ICE2: variants seen among roughly 807,000 people sequenced by gnomAD.
ICE2 encodes little elongation complex subunit 2.
ICE2 carries 87 observed loss-of-function variants against 105.4 expected under a neutral mutation model. That is an observed-to-expected ratio of 0.83 (90% CI 0.69 to 0.99). ICE2 has a LOEUF of 0.99. Among genes scored for constraint, ICE2 ranks in the 50% least tolerant of loss-of-function variants. ICE2 has a pLI of 0.00. For missense variants in ICE2, 1,323 were observed against 1,146.7 expected (o/e 1.15, Z -2.22); for synonymous variants, 399 against 392.0 (o/e 1.02, Z -0.21).
At position 60,454,384 on chromosome 15, in the gene ICE2, A is replaced by C. The variant is rs114196652; in HGVS notation, c.944-600T>G. On this transcript the variant is annotated intron_variant, in intron 8 of 15. Coordinates refer to ENST00000261520, the MANE Select transcript of ICE2 (RefSeq NM_024611.6). ...TAAGTCATAAAAACTCACCCATTTGAGGTTGTCTACTAAAGTACTACGTTC... is the reference window on the plus strand; with the variant it reads ...TAAGTCATAAAAACTCACCCATTTGCGGTTGTCTACTAAAGTACTACGTTC... Among the ~76,000 whole-genome samples, 1,006 of 152,320 alleles carry C rather than the reference A, an allele frequency of 6.6e-3. 8 individuals carry two copies. Among genetic ancestry groups the C allele is most frequent in the African/African-American group, 0.024 (979 of 41,580 alleles).
At chr15:60,433,123 C>T (rs568150628) in intron 13 of ICE2, among the ~76,000 whole-genome samples, 2 of 150,428 alleles carry the variant, frequency 1.3e-5, no homozygotes, top group East Asian at 2.0e-4. Flanking sequence ...CTCGCTCTGT[C>T]GCCCAGGCTG....
chr15:60,469,994 T>C (rs1223944205), intron 3 of ICE2, among the ~76,000 whole-genome samples: 1 of 152,190 alleles, frequency 6.6e-6, no homozygotes, highest in Non-Finnish European at 1.5e-5. Flanking sequence ...CCACCACAGT[T>C]AACTGTTCCT....
intron 11 of ICE2, among the ~76,000 whole-genome samples, chr15:60,443,732 T>A (rs187387308): frequency 6.6e-6 from 1 of 152,316 alleles, no homozygotes; most frequent in African/African-American, 2.4e-5. Flanking sequence ...CTATGTAATT[T>A]TGCAAATGGT....
chr15:60,445,792 C>T, intron 11 of ICE2: 1 of 985,122 alleles, frequency 1.0e-6, no homozygotes, highest in Non-Finnish European at 1.2e-6. Flanking sequence ...GTGCTGTAAG[C>T]TGAAAAAGAA....
At chr15:60,453,933 C>T in intron 8 of ICE2, 149 bp from the exon 9 acceptor site, 1 of 616,990 alleles carries the variant, frequency 1.6e-6, no homozygotes, top group East Asian at 2.8e-5. Context: ...CTTAGACTAG[C>T]AGATATTAAA....
At chr15:60,428,045 T>C (rs2063375617) in intron 15 of ICE2, among the ~76,000 whole-genome samples, 1 of 152,210 alleles carries the variant, frequency 6.6e-6, no homozygotes, top group African/African-American at 2.4e-5. Context: ...TTTTATTACA[T>C]GTACTCTTCC....
At chr15:60,452,696 T>C (rs2063994323) in intron 9 of ICE2, 1 of 178,026 alleles carries the variant, frequency 5.6e-6, no homozygotes, top group Non-Finnish European at 1.1e-5. Context: ...AGCTAATATT[T>C]ACAGAGTGCC....
At chr15:60,423,831 T>C in intron 15 of ICE2, 69 bp from the exon 16 acceptor site, 1 of 1,332,378 alleles carries the variant, frequency 7.5e-7, no homozygotes, top group Non-Finnish European at 9.9e-7. Flanking sequence ...GTCAACTCTG[T>C]AGTATTTATA....
intron 3 of ICE2, among the ~76,000 whole-genome samples, chr15:60,474,110 G>A (rs1672550108): frequency 6.6e-6 from 1 of 151,946 alleles, no homozygotes; most frequent in Non-Finnish European, 1.5e-5. Flanking sequence ...TGTTGCCCAA[G>A]CTGGTCTCAG....
intron 5 of ICE2, among the ~76,000 whole-genome samples, chr15:60,462,465 C>A (rs557062762): frequency 2.2e-3 from 337 of 152,164 alleles, no homozygotes; most frequent in Middle Eastern, 6.8e-3. Context: ...GTTAATTAGT[C>A]CGGTTTGGCC....
At chr15:60,468,423 T>C (rs923930125) in intron 3 of ICE2, 101 bp from the exon 4 acceptor site, 7 of 903,116 alleles carry the variant, frequency 7.8e-6, no homozygotes, top group East Asian at 2.5e-5. Flanking sequence ...ATAGCGTGAT[T>C]AACAGAGTAA....
intron 5 of ICE2, among the ~76,000 whole-genome samples, chr15:60,463,538 C>T (rs1003198804): frequency 7.2e-5 from 11 of 152,228 alleles, no homozygotes; most frequent in Admixed American, 2.0e-4. Flanking sequence ...TTTGGGAGGC[C>T]GAGGCAGGTA....
chr15:60,454,405 C>G (rs905364872), intron 8 of ICE2, among the ~76,000 whole-genome samples: 1 of 152,158 alleles, frequency 6.6e-6, no homozygotes, highest in Non-Finnish European at 1.5e-5. Flanking sequence ...TAAAGTACTA[C>G]GTTCCTTTCA....
In ICE2 at chr15:60,423,707, G is replaced by A. The variant is rs1480475320; in HGVS notation, c.2876C>T (p.Thr959Ile). 19 of 1,602,204 alleles carry A rather than the reference G, an allele frequency of 1.2e-5. No homozygotes were observed. Among genetic ancestry groups the A allele is most frequent in the Non-Finnish European group, 1.6e-5 (19 of 1,177,064 alleles). Residue 959 changes from threonine to isoleucine, a missense_variant, in exon 16 of 16, where the codon ACC (threonine) becomes ATC (isoleucine). Transcript: ENST00000261520. The stretch of plus-strand genomic sequence containing the variant: ...CTGAGCAGGCAAGCAACTGCTTTTG[G>A]TTTCCATGGAAACTGGATTCCTGTG... ...RSHRNPVSME[T>I]KSSCLPAQQV...
chr15:60,472,892 A>G (rs1273708713), intron 3 of ICE2, among the ~76,000 whole-genome samples: 1 of 152,176 alleles, frequency 6.6e-6, no homozygotes, highest in Non-Finnish European at 1.5e-5. Flanking sequence ...GTGTGAAAAG[A>G]GAAAGGCTGA....
At chr15:60,427,943 C>G (rs1391390568) in intron 15 of ICE2, among the ~76,000 whole-genome samples, 2 of 152,144 alleles carry the variant, frequency 1.3e-5, no homozygotes, top group African/African-American at 4.8e-5. Flanking sequence ...GTCCTTGATA[C>G]TTTAGGTATA....
At chr15:60,463,442 G>T (rs921456343) in intron 5 of ICE2, among the ~76,000 whole-genome samples, 5 of 152,120 alleles carry the variant, frequency 3.3e-5, no homozygotes, top group African/African-American at 1.2e-4. Flanking sequence ...ATGAAAGAAG[G>T]AAGGCCCAAA....
chr15:60,447,408 G>A (rs962000049), intron 11 of ICE2: 1 of 152,198 alleles, frequency 6.6e-6, no homozygotes, highest in Non-Finnish European at 1.5e-5. Context: ...TCCCTTATCT[G>A]AAATGCTTGG....
chr15:60,464,760 G>C (rs1225736933), intron 5 of ICE2, among the ~76,000 whole-genome samples: 2 of 152,154 alleles, frequency 1.3e-5, no homozygotes, highest in Non-Finnish European at 2.9e-5. Flanking sequence ...AAGATGGGCT[G>C]TAATCCCAGC....
Sources: gnomAD v4.1 joint callset for allele counts (sites outside exome capture counted in the v4.1 genomes callset) on GRCh38, gnomAD v4.1.1 for gene constraint, MANE v1.5 for transcripts, NCBI Gene and HGNC (gene_info 2026-07-23, HGNC 2026-07-21) for gene names.